MOB3B: variants seen among roughly 807,000 people sequenced by gnomAD.
The protein encoded by MOB3B is MOB kinase activator 3B.
MOB3B carries 7 observed loss-of-function variants against 18.7 expected under a neutral mutation model. The ratio of observed to expected loss-of-function variants is 0.37; its 90% CI spans 0.21 to 0.70. The LOEUF (loss-of-function observed/expected upper bound fraction) is 0.70, where lower values mean the gene tolerates loss of function less well. MOB3B is among the 30% of genes least tolerant of loss of function. The pLI, the probability that MOB3B is intolerant of heterozygous loss-of-function variation, is 0.52. For synonymous variants in MOB3B, 111 were observed against 99.9 expected (o/e 1.11, Z -0.66); for missense variants, 253 against 281.3 (o/e 0.90, Z 0.72).
intron 1 of MOB3B, among the ~76,000 whole-genome samples, chr9:27,490,173 T>A (rs894671992): frequency 6.6e-6 from 1 of 152,104 alleles, no homozygotes; most frequent in African/African-American, 2.4e-5. Context: ...TATGGTCCAA[T>A]CCCCCTACTA....
Position 27,359,194 on chromosome 9 carries a change from A to C in MOB3B, c.461T>G (p.Ile154Ser). ...PKNFLQICKK[I>S]LCRLFRVFVH... The stretch of plus-strand genomic sequence containing the variant: ...AAAGACCCGGAAAAGGCGGCACAGG[A>C]TCTTCTTGCAGATCTGAAGGAAGTT... The change falls in exon 3 of 4, where the codon ATC (isoleucine) becomes AGC (serine). Residue 154 changes from isoleucine to serine, a missense_variant. Ile to Ser is a moderately radical substitution (Grantham distance 142). Transcript: ENST00000262244. The C allele has an allele frequency of 6.2e-7, 1 of 1,614,208 alleles. No homozygotes were observed. Among genetic ancestry groups the C allele is most frequent in the Non-Finnish European group, 8.5e-7 (1 of 1,180,052 alleles).
chr9:27,385,234 CT>C (rs1026205142), intron 2 of MOB3B, among the ~76,000 whole-genome samples: 5 of 152,134 alleles, frequency 3.3e-5, no homozygotes, highest in South Asian at 2.1e-4. Flanking sequence ...ATTCACGTAA[CT>C]TTTTTTTATA....
chr9:27,515,445 T>C (rs140358398), intron 1 of MOB3B, among the ~76,000 whole-genome samples: 1 of 152,340 alleles, frequency 6.6e-6, no homozygotes, highest in East Asian at 1.9e-4. Flanking sequence ...AGTCGCTCAA[T>C]AGTTCCCAGT....
At chr9:27,448,431 A>C (rs564657029) in intron 2 of MOB3B, among the ~76,000 whole-genome samples, 1 of 152,200 alleles carries the variant, frequency 6.6e-6, no homozygotes, top group African/African-American at 2.4e-5. Context: ...CCTCACAATC[A>C]TGGTGGAAAG....
chr9:27,400,184 G>A (rs1821856967), intron 2 of MOB3B, among the ~76,000 whole-genome samples: 1 of 152,152 alleles, frequency 6.6e-6, no homozygotes, highest in Non-Finnish European at 1.5e-5. Flanking sequence ...ACAGTTCCTT[G>A]ACAAATGAGA....
intron 1 of MOB3B, among the ~76,000 whole-genome samples, chr9:27,481,128 C>T (rs1334476373): frequency 1.3e-5 from 2 of 152,082 alleles, no homozygotes; most frequent in Non-Finnish European, 2.9e-5. Flanking sequence ...GTATGCCTTT[C>T]AGAGTGGTGC....
intron 2 of MOB3B, among the ~76,000 whole-genome samples, chr9:27,397,923 C>G (rs1821825554): frequency 6.6e-6 from 1 of 152,098 alleles, no homozygotes; most frequent in Non-Finnish European, 1.5e-5. Flanking sequence ...TGCCAGGGGC[C>G]AAAAAGTGTC....
intron 2 of MOB3B, among the ~76,000 whole-genome samples, chr9:27,423,398 CT>C (rs34788661): frequency 0.35 from 49,697 of 141,848 alleles, 8,467 homozygotes; most frequent in Non-Finnish European, 0.37. Flanking sequence ...TGGCAATACT[CT>C]TTTTTTTTTT....
chr9:27,408,740 C>T (rs1822022557), intron 2 of MOB3B, among the ~76,000 whole-genome samples: 1 of 152,140 alleles, frequency 6.6e-6, no homozygotes, highest in African/African-American at 2.4e-5. Context: ...TCTGGCCCCC[C>T]AGCGTTATTG....
chr9:27,437,917 G>A (rs1259367295), intron 2 of MOB3B, among the ~76,000 whole-genome samples: 1 of 152,186 alleles, frequency 6.6e-6, no homozygotes, highest in Non-Finnish European at 1.5e-5. Flanking sequence ...ACACCCAAAA[G>A]CTATGAAAGC....
intron 1 of MOB3B, among the ~76,000 whole-genome samples, chr9:27,457,911 A>G (rs1030351237): frequency 6.6e-6 from 1 of 152,216 alleles, no homozygotes; most frequent in Non-Finnish European, 1.5e-5. Flanking sequence ...ATACCTTCCT[A>G]AAAGAGACTT....
intron 1 of MOB3B, among the ~76,000 whole-genome samples, chr9:27,494,058 T>C: frequency 6.6e-6 from 1 of 152,162 alleles, no homozygotes; most frequent in East Asian, 1.9e-4. Flanking sequence ...GGTGCACCTG[T>C]CTCTTATGGT....
At chr9:27,362,028 C>A (rs1040576623) in intron 2 of MOB3B, among the ~76,000 whole-genome samples, 1 of 152,174 alleles carries the variant, frequency 6.6e-6, no homozygotes, top group Admixed American at 6.5e-5. Context: ...GGACACACTG[C>A]GGATGCTCAT....
intron 3 of MOB3B, among the ~76,000 whole-genome samples, chr9:27,347,718 G>A (rs937016812): frequency 1.3e-5 from 2 of 152,216 alleles, no homozygotes; most frequent in Non-Finnish European, 1.5e-5. Context: ...CCCTAGGCAG[G>A]TGTACCATTT....
At position 27,398,441 on chromosome 9, in the gene MOB3B, C is replaced by A. The variant is rs79654410; in HGVS notation, c.419-39205G>T. Among the ~76,000 whole-genome samples the A allele has an allele frequency of 7.4e-3, 1,123 of 152,274 alleles. 26 individuals are homozygous for A. Among genetic ancestry groups the A allele is most frequent in the African/African-American group, 0.025 (1,040 of 41,542 alleles). ...ATAAAAATGAAGATAATAATTCCTA[C>A]CTGTAAGGTTGTTACTCAGAATTGA... On this transcript the variant is annotated intron_variant, in intron 2 of 3. Transcript: ENST00000262244.
chr9:27,440,861 G>A (rs924057595), intron 2 of MOB3B, among the ~76,000 whole-genome samples: 2 of 152,176 alleles, frequency 1.3e-5, no homozygotes. Context: ...ATAAAGCAGC[G>A]GTCCTCAACC....
chr9:27,385,203 C>T (rs1821635917), intron 2 of MOB3B, among the ~76,000 whole-genome samples: 1 of 152,198 alleles, frequency 6.6e-6, no homozygotes, highest in Non-Finnish European at 1.5e-5. Context: ...TAGGGTTTAA[C>T]ATACTCCTCT....
At chr9:27,377,756 T>C (rs1351746479) in intron 2 of MOB3B, among the ~76,000 whole-genome samples, 1 of 152,240 alleles carries the variant, frequency 6.6e-6, no homozygotes, top group African/African-American at 2.4e-5. Context: ...TAGCGAAATG[T>C]TCTCTAAGAC....
At chr9:27,352,817 C>T (rs1001155334) in intron 3 of MOB3B, among the ~76,000 whole-genome samples, 18 of 152,186 alleles carry the variant, frequency 1.2e-4, no homozygotes, top group African/African-American at 4.1e-4. Flanking sequence ...AGTCCAGTAG[C>T]CAAATGCAGT....
Sources: gnomAD v4.1 joint callset for allele counts (sites outside exome capture counted in the v4.1 genomes callset) on GRCh38, gnomAD v4.1.1 for gene constraint, MANE v1.5 for transcripts, NCBI Gene and HGNC (gene_info 2026-07-23, HGNC 2026-07-21) for gene names.